CLSTN2: variants seen among roughly 807,000 people sequenced by gnomAD.
CLSTN2 encodes the protein calsyntenin 2, also known as calsyntenin-2.
In CLSTN2, 48 loss-of-function variants were observed where a neutral mutation model predicts 101.2. The ratio of observed to expected loss-of-function variants is 0.47; its 90% confidence interval spans 0.38 to 0.60. The LOEUF is 0.60. Among genes scored for constraint, CLSTN2 ranks in the 20% least tolerant of loss-of-function variants. CLSTN2 has a pLI of 0.00. For synonymous variants in CLSTN2, 481 were observed against 463.6 expected (o/e 1.04, Z -0.48); for missense variants, 1,160 against 1,238.2 (o/e 0.94, Z 0.95).
chr3:140,413,956 A>G (rs1018213126), intron 4 of CLSTN2, among the ~76,000 whole-genome samples: 1 of 152,156 alleles, frequency 6.6e-6, no homozygotes. Context: ...CCACGGTGAA[A>G]AGTTTAAAGC....
chr3:140,115,546 G>T lies in CLSTN2; in HGVS notation c.110-60405G>T, dbSNP rs533826883. Reference sequence around the variant, plus strand: ...TTTGAATAGCAAGTTCTCTGTAAAGGGCAGGGAGAAAAAGGCCCTGCTTCT... The same window carrying T: ...TTTGAATAGCAAGTTCTCTGTAAAGTGCAGGGAGAAAAAGGCCCTGCTTCT... On this transcript the variant is annotated intron_variant, in intron 1 of 16. Coordinates refer to ENST00000458420, the MANE Select transcript of CLSTN2 (RefSeq NM_022131.3). Among the ~76,000 whole-genome samples the T allele has an allele frequency of 2.6e-5, 4 of 152,202 alleles. No homozygotes were observed. In the East Asian group the frequency reaches 7.8e-4, roughly 29 times the overall value.
chr3:140,193,825 A>T (rs1386507978), intron 2 of CLSTN2, among the ~76,000 whole-genome samples: 1 of 151,782 alleles, frequency 6.6e-6, no homozygotes, highest in East Asian at 1.9e-4. Context: ...GTATTTTGTA[A>T]GTCTGTTTTC....
At chr3:140,131,954 G>A (rs2009529240) in intron 1 of CLSTN2, among the ~76,000 whole-genome samples, 1 of 152,110 alleles carries the variant, frequency 6.6e-6, no homozygotes, top group East Asian at 1.9e-4. Context: ...CGTTTAAAAC[G>A]TTGAAGACTA....
At chr3:140,019,157 A>G (rs946501297) in intron 1 of CLSTN2, among the ~76,000 whole-genome samples, 1 of 152,228 alleles carries the variant, frequency 6.6e-6, no homozygotes, top group African/African-American at 2.4e-5. Flanking sequence ...ATAAAAAAAG[A>G]TGGTGTGACG....
At chr3:140,059,869 A>G (rs2008168362) in intron 1 of CLSTN2, among the ~76,000 whole-genome samples, 1 of 152,196 alleles carries the variant, frequency 6.6e-6, no homozygotes, top group Admixed American at 6.5e-5. Flanking sequence ...GCTCTTAGTT[A>G]TAAAGAAAGA....
intron 5 of CLSTN2, among the ~76,000 whole-genome samples, chr3:140,443,104 C>T (rs1219588384): frequency 6.6e-6 from 1 of 152,340 alleles, no homozygotes; most frequent in East Asian, 1.9e-4. Flanking sequence ...CCTCTCACTC[C>T]CCGGTATCCC....
intron 2 of CLSTN2, among the ~76,000 whole-genome samples, chr3:140,235,127 A>G (rs183265873): frequency 7.9e-5 from 12 of 152,348 alleles, no homozygotes; most frequent in Admixed American, 1.3e-4. Context: ...AGGATTAACT[A>G]TAATATGACA....
intron 1 of CLSTN2, among the ~76,000 whole-genome samples, chr3:140,086,281 G>A (rs1376283517): frequency 1.3e-5 from 2 of 152,204 alleles, no homozygotes; most frequent in African/African-American, 4.8e-5. Flanking sequence ...GAATGGGATA[G>A]CAGAGCTGTA....
At chr3:140,542,734 T>C (rs1266493090) in intron 9 of CLSTN2, among the ~76,000 whole-genome samples, 2 of 152,172 alleles carry the variant, frequency 1.3e-5, no homozygotes, top group Non-Finnish European at 2.9e-5. Flanking sequence ...CATGAGTGTA[T>C]TTTGCTGAGA....
In CLSTN2 at chr3:140,003,318, T is replaced by C. The variant is rs1332173841; in HGVS notation, c.109+67835T>C. On this transcript the variant is annotated intron_variant, in intron 1 of 16. Transcript: ENST00000458420. ...TAAATTTATGTGTGGCTATTATAAA[T>C]GGGATTACTTTTTAAATTTATTTTT... is the stretch of plus-strand genomic sequence containing the variant. Among the ~76,000 whole-genome samples, 7 of 152,322 alleles carry C rather than the reference T, an allele frequency of 4.6e-5. No individual in the cohort carries two copies. The South Asian group carries it at 1.2e-3, about 27-fold the overall frequency.
intron 2 of CLSTN2, among the ~76,000 whole-genome samples, chr3:140,284,390 T>A (rs935947252): frequency 2.6e-5 from 4 of 152,166 alleles, no homozygotes; most frequent in Non-Finnish European, 5.9e-5. Flanking sequence ...GTCTTTAAGG[T>A]ACAACAGCCA....
chr3:139,992,031 C>G (rs1236323588), intron 1 of CLSTN2, among the ~76,000 whole-genome samples: 1 of 152,130 alleles, frequency 6.6e-6, no homozygotes, highest in Non-Finnish European at 1.5e-5. Flanking sequence ...GATGCAATCA[C>G]TTGTGTGGAC....
At chr3:140,213,575 C>T (rs566256502) in intron 2 of CLSTN2, among the ~76,000 whole-genome samples, 1 of 152,280 alleles carries the variant, frequency 6.6e-6, no homozygotes, top group South Asian at 2.1e-4. Context: ...CCAGAGCTGC[C>T]CAAGAAGCAG....
chr3:140,444,054 A>T (rs1233299324), intron 5 of CLSTN2, among the ~76,000 whole-genome samples: 2 of 152,198 alleles, frequency 1.3e-5, no homozygotes, highest in East Asian at 3.8e-4. Flanking sequence ...TCACTCTTTT[A>T]ATTTTAAATA....
In CLSTN2 at chr3:140,572,318, C is replaced by T. The variant is rs1482141041; in HGVS notation, c.*6065C>T. 6.6e-6 allele frequency: 1 copy of T among 152,238 alleles called. No homozygotes were observed. The highest frequency in any genetic ancestry group is 2.4e-5 in the African/African-American group (1 of 41,464). The allele number at this position is 152,238 out of a possible 1,614,324, so 9.4% of individuals were successfully genotyped here. On this transcript the variant is annotated 3_prime_UTR_variant, in exon 17 of 17. Coordinates refer to ENST00000458420, the MANE Select transcript of CLSTN2 (RefSeq NM_022131.3). ...TTCCAATCAAGGCTGACTCAGTTCA[C>T]TTATGGATGAAAGCCAGTTACCCTG... is the stretch of plus-strand genomic sequence containing the variant.
intron 1 of CLSTN2, among the ~76,000 whole-genome samples, chr3:139,941,621 T>C (rs548295732): frequency 1.3e-5 from 2 of 152,056 alleles, no homozygotes; most frequent in South Asian, 2.1e-4. Flanking sequence ...TTGGCAACAA[T>C]AGAGGTCAGG....
chr3:140,455,640 T>C (rs1411878083), intron 6 of CLSTN2, among the ~76,000 whole-genome samples: 1 of 152,126 alleles, frequency 6.6e-6, no homozygotes, highest in Non-Finnish European at 1.5e-5. Context: ...CCAGGGACCT[T>C]CACGGAGGAT....
At chr3:140,170,066 C>T (rs749006597) in intron 1 of CLSTN2, among the ~76,000 whole-genome samples, 19 of 152,056 alleles carry the variant, frequency 1.2e-4, no homozygotes, top group Non-Finnish European at 2.6e-4. Flanking sequence ...TCATTAAATT[C>T]AGGAAACAAA....
intron 2 of CLSTN2, among the ~76,000 whole-genome samples, chr3:140,311,777 C>T (rs1432275961): frequency 6.6e-6 from 1 of 151,990 alleles, no homozygotes; most frequent in Non-Finnish European, 1.5e-5. Context: ...TGCCCCAGTC[C>T]CACAGTAAGT....
Sources: gnomAD v4.1 joint callset for allele counts (sites outside exome capture counted in the v4.1 genomes callset) on GRCh38, gnomAD v4.1.1 for gene constraint, MANE v1.5 for transcripts, NCBI Gene and HGNC (gene_info 2026-07-23, HGNC 2026-07-21) for gene names.